CTNNA2: variants seen among roughly 807,000 people sequenced by gnomAD.
CTNNA2 encodes the protein catenin alpha 2, also known as catenin alpha-2.
CTNNA2 carries 42 observed loss-of-function variants against 101.0 expected under a neutral mutation model. That is an observed-to-expected ratio of 0.42 (90% confidence interval 0.32 to 0.54). The LOEUF (loss-of-function observed/expected upper bound fraction) is 0.54. Ranked by LOEUF, CTNNA2 falls within the 20% of genes least tolerant of loss-of-function variation. The pLI is 0.14. For synonymous variants in CTNNA2, 450 were observed against 456.4 expected (o/e 0.99, Z 0.18); for missense variants, 871 against 1,223.1 (o/e 0.71, Z 4.29).
chr2:79,622,300 T>G (rs770445794), intron 1 of CTNNA2, among the ~76,000 whole-genome samples: 1 of 152,160 alleles, frequency 6.6e-6, no homozygotes. Context: ...AAAATCCCCC[T>G]CTATATTTCT....
chr2:80,157,670 G>C (rs1052638735), intron 7 of CTNNA2, among the ~76,000 whole-genome samples: 1 of 151,952 alleles, frequency 6.6e-6, no homozygotes, highest in Non-Finnish European at 1.5e-5. Flanking sequence ...ATTCTAATTT[G>C]CTAACACTTG....
chr2:80,201,033 A>G (rs1707172721), intron 7 of CTNNA2, among the ~76,000 whole-genome samples: 1 of 152,142 alleles, frequency 6.6e-6, no homozygotes, highest in African/African-American at 2.4e-5. Context: ...CCCTGATATA[A>G]AATGGCATAG....
chr2:80,070,594 G>A (rs1698266360), intron 7 of CTNNA2, among the ~76,000 whole-genome samples: 1 of 151,978 alleles, frequency 6.6e-6, no homozygotes, highest in African/African-American at 2.4e-5. Context: ...GTGTGTACTT[G>A]TAGTCCAAAC....
At chr2:79,549,274 C>T (rs970706739) in intron 1 of CTNNA2, among the ~76,000 whole-genome samples, 10 of 152,102 alleles carry the variant, frequency 6.6e-5, no homozygotes, top group Admixed American at 3.3e-4. Flanking sequence ...ATTATTAGTT[C>T]CCATGGTTCC....
At chr2:80,357,229 AT>A (rs199637514) in intron 7 of CTNNA2, among the ~76,000 whole-genome samples, 19,679 of 130,168 alleles carry the variant, frequency 0.15, 1,355 homozygotes, top group Middle Eastern at 0.31. Flanking sequence ...TCAAAATAGC[AT>A]TTTTTTTTTG....
intron 1 of CTNNA2, among the ~76,000 whole-genome samples, chr2:79,639,041 A>G (rs754621743): frequency 6.6e-6 from 1 of 152,308 alleles, no homozygotes; most frequent in African/African-American, 2.4e-5. Context: ...TGCACAAACT[A>G]CTTAATATGG....
intron 4 of CTNNA2, among the ~76,000 whole-genome samples, chr2:79,492,664 T>G (rs191835366): frequency 6.6e-6 from 1 of 152,204 alleles, no homozygotes; most frequent in Admixed American, 6.5e-5. Context: ...AAAGAAGTAT[T>G]AATACACATT....
intron 7 of CTNNA2, among the ~76,000 whole-genome samples, chr2:80,273,001 A>G (rs1183985958): frequency 1.3e-5 from 2 of 152,178 alleles, no homozygotes; most frequent in Non-Finnish European, 2.9e-5. Flanking sequence ...GGTGGTTTAT[A>G]AAGATTATTC....
chr2:80,364,850 C>A (rs1468633464), intron 7 of CTNNA2, among the ~76,000 whole-genome samples: 2 of 152,130 alleles, frequency 1.3e-5, no homozygotes, highest in African/African-American at 2.4e-5. Context: ...AGTGTTTTAT[C>A]TTTTCTAAGC....
Position 80,555,777 on chromosome 2 carries a change from C to T in CTNNA2, c.1625C>T (p.Ala542Val). 1 of 1,599,852 alleles carries T rather than the reference C, an allele frequency of 6.3e-7. No homozygotes were observed. Among genetic ancestry groups the T allele is most frequent in the Non-Finnish European group, 8.5e-7 (1 of 1,173,230 alleles). ...GACACTCTGGACCGGACTGCAGGGG[C>T]CATCAGGGGCCGGGCAGCTCGAGTC... ...DVDTLDRTAG[A>V]IRGRAARVIH... Residue 542 changes from alanine (A) to valine (V), a missense_variant, in exon 12 of 19, where the codon GCC (alanine) becomes GTC (valine). Physicochemically the swap from Ala to Val is moderately conservative, Grantham distance 64 (BLOSUM62 0). Coordinates refer to ENST00000402739, the MANE Select transcript of CTNNA2 (RefSeq NM_001282597.3).
intron 2 of CTNNA2, among the ~76,000 whole-genome samples, chr2:79,736,054 TGTA>T (rs1421910756): frequency 5.9e-5 from 9 of 152,316 alleles, no homozygotes; most frequent in African/African-American, 1.9e-4. Context: ...GAGATCCTAT[TGTA>T]GTAGTTTCTA....
intron 7 of CTNNA2, among the ~76,000 whole-genome samples, chr2:80,110,756 G>A (rs563514759): frequency 3.9e-5 from 6 of 152,290 alleles, no homozygotes; most frequent in Admixed American, 2.0e-4. Context: ...CACTGTAGTA[G>A]CATGGAAGGT....
chr2:79,295,217 A>G (rs969355016), intron 2 of CTNNA2, among the ~76,000 whole-genome samples: 9 of 152,124 alleles, frequency 5.9e-5, no homozygotes, highest in African/African-American at 1.9e-4. Flanking sequence ...CCTCTTTCCC[A>G]GCCTATACTT....
intron 7 of CTNNA2, among the ~76,000 whole-genome samples, chr2:79,947,034 C>T (rs1688542137): frequency 6.6e-6 from 1 of 152,204 alleles, no homozygotes; most frequent in African/African-American, 2.4e-5. Flanking sequence ...TATTAAGTCT[C>T]TGGCATATAT....
rs115668641 is a variant in CTNNA2, at chr2:80,013,039, G to A, written c.1056+103242G>A. On this transcript the variant is annotated intron_variant, in intron 7 of 18. Coordinates refer to ENST00000402739, the MANE Select transcript of CTNNA2 (RefSeq NM_001282597.3). ...AACTTAGCCAGGAATGGTGATGCACGTCTGTAATCCTAGCTACTCAGGAGA... is the reference window on the plus strand; with the variant it reads ...AACTTAGCCAGGAATGGTGATGCACATCTGTAATCCTAGCTACTCAGGAGA... Among the ~76,000 whole-genome samples, 994 of 152,158 alleles carry A rather than the reference G, an allele frequency of 6.5e-3. 16 individuals are homozygous for A. Among genetic ancestry groups the A allele is most frequent in the African/African-American group, 0.023 (957 of 41,508 alleles).
chr2:79,752,858 A>T (rs897815458), intron 3 of CTNNA2, among the ~76,000 whole-genome samples: 3 of 152,204 alleles, frequency 2.0e-5, no homozygotes, highest in Admixed American at 6.5e-5. Context: ...TATGAAGAGA[A>T]GGAGCCATAA....
intron 9 of CTNNA2, among the ~76,000 whole-genome samples, chr2:80,437,649 A>G (rs1262859181): frequency 6.6e-6 from 1 of 152,232 alleles, no homozygotes; most frequent in Non-Finnish European, 1.5e-5. Context: ...TTGGTAAAAT[A>G]TGGACAGTTC....
intron 7 of CTNNA2, among the ~76,000 whole-genome samples, chr2:80,322,166 A>AGCAT (rs1678760929): frequency 6.6e-6 from 1 of 152,142 alleles, no homozygotes; most frequent in South Asian, 2.1e-4. Context: ...CCATCTGATA[A>AGCAT]GCATGCTTAA....
chr2:79,313,898 C>A (rs529393734), intron 3 of CTNNA2, among the ~76,000 whole-genome samples: 14 of 152,138 alleles, frequency 9.2e-5, no homozygotes, highest in Non-Finnish European at 1.8e-4. Flanking sequence ...CTCATATGAC[C>A]GCAGGGAGAT....
Sources: gnomAD v4.1 joint callset for allele counts (sites outside exome capture counted in the v4.1 genomes callset) on GRCh38, gnomAD v4.1.1 for gene constraint, MANE v1.5 for transcripts, NCBI Gene and HGNC (gene_info 2026-07-23, HGNC 2026-07-21) for gene names.